The following TMEM163 variants were observed in gnomAD, a reference collection of about 807,000 sequenced individuals.
TMEM163 encodes the protein transmembrane protein 163.
In TMEM163, 17 loss-of-function variants were observed where a neutral mutation model predicts 29.3. The observed-to-expected ratio is 0.58, with a 90% CI of 0.40 to 0.87. The LOEUF is 0.87. Among genes scored for constraint, TMEM163 ranks in the 40% least tolerant of loss-of-function variants. The pLI, the probability that TMEM163 is intolerant of heterozygous loss-of-function variation, is 0.00. For synonymous variants in TMEM163, 157 were observed against 160.6 expected (o/e 0.98, Z 0.17); for missense variants, 303 against 381.5 (o/e 0.79, Z 1.71).
intron 2 of TMEM163, among the ~76,000 whole-genome samples, chr2:134,575,325 C>A (rs1369533531): frequency 6.6e-6 from 1 of 152,118 alleles, no homozygotes; most frequent in East Asian, 1.9e-4. Flanking sequence ...CATGGTCAGG[C>A]CCCTACCCCA....
At chr2:134,571,002 C>G (rs1443339140) in intron 2 of TMEM163, among the ~76,000 whole-genome samples, 1 of 152,170 alleles carries the variant, frequency 6.6e-6, no homozygotes, top group East Asian at 1.9e-4. Context: ...CTGTGATGCT[C>G]TCAGCTGCTA....
Position 134,651,390 on chromosome 2 carries a change from T to G in TMEM163, c.322+61810A>C, listed in dbSNP as rs1226889891. On this transcript the variant is annotated intron_variant, in intron 2 of 7. Transcript: ENST00000281924. The stretch of plus-strand genomic sequence containing the variant: ...TCCTTCGCCCACTTTTTGATGGGGT[T>G]GTTTGTTTTTTTCTTGTAAATTTGT... Among the ~76,000 whole-genome samples the G allele has an allele frequency of 3.7e-5, 5 of 136,110 alleles. 1 individual carries two copies. The highest frequency in any genetic ancestry group is 1.6e-4 in the African/African-American group (5 of 31,412). The allele number at this position is 136,110 out of a possible 152,430, so 89.3% of individuals were successfully genotyped here.
At chr2:134,547,601 G>T (rs143230626) in intron 4 of TMEM163, among the ~76,000 whole-genome samples, 1 of 152,278 alleles carries the variant, frequency 6.6e-6, no homozygotes, top group Non-Finnish European at 1.5e-5. Context: ...AGCTGGCAGT[G>T]ATTTCATTAA....
intron 5 of TMEM163, among the ~76,000 whole-genome samples, chr2:134,492,571 T>C (rs1300606635): frequency 6.6e-6 from 1 of 152,180 alleles, no homozygotes; most frequent in Non-Finnish European, 1.5e-5. Flanking sequence ...AGTTTGTAGG[T>C]AAAAATTTAA....
chr2:134,634,777 C>T (rs1683066658), intron 2 of TMEM163, among the ~76,000 whole-genome samples: 1 of 152,222 alleles, frequency 6.6e-6, no homozygotes, highest in South Asian at 2.1e-4. Flanking sequence ...ATTATGTAAA[C>T]AAATCTCAAT....
At chr2:134,660,356 G>T (rs1056246198) in intron 2 of TMEM163, among the ~76,000 whole-genome samples, 2 of 152,128 alleles carry the variant, frequency 1.3e-5, no homozygotes, top group African/African-American at 4.8e-5. Context: ...AATCAGGAAG[G>T]CAAGATATAA....
chr2:134,613,891 G>A (rs991099218), intron 2 of TMEM163, among the ~76,000 whole-genome samples: 2 of 152,064 alleles, frequency 1.3e-5, no homozygotes, highest in Non-Finnish European at 2.9e-5. Flanking sequence ...CACAGTAAAG[G>A]TGTCAATTTT....
intron 2 of TMEM163, among the ~76,000 whole-genome samples, chr2:134,701,001 C>T (rs1558996989): frequency 1.4e-5 from 2 of 147,954 alleles, no homozygotes; most frequent in Non-Finnish European, 1.5e-5. Context: ...TGGAAGAGAC[C>T]CCTCCAGAAA....
chr2:134,565,061 A>T (rs1681267743), intron 2 of TMEM163, among the ~76,000 whole-genome samples: 1 of 151,716 alleles, frequency 6.6e-6, no homozygotes. Context: ...AACATAGTGA[A>T]ACCTGATCTC....
chr2:134,606,405 A>G (rs1289267155), intron 2 of TMEM163, among the ~76,000 whole-genome samples: 2 of 151,998 alleles, frequency 1.3e-5, no homozygotes, highest in Non-Finnish European at 2.9e-5. Context: ...CTCACAGTGA[A>G]TGTTTTCTTC....
chr2:134,481,100 A>AG (rs1687042996), intron 5 of TMEM163, among the ~76,000 whole-genome samples: 1 of 151,944 alleles, frequency 6.6e-6, no homozygotes, highest in South Asian at 2.1e-4. Flanking sequence ...TTGGTGGGGG[A>AG]GGGGGACTTA....
intron 2 of TMEM163, among the ~76,000 whole-genome samples, chr2:134,596,499 T>C (rs551212949): frequency 6.6e-6 from 1 of 152,360 alleles, no homozygotes; most frequent in East Asian, 1.9e-4. Flanking sequence ...AGTACCATGC[T>C]GTTTTGGTTA....
intron 4 of TMEM163, among the ~76,000 whole-genome samples, chr2:134,519,804 C>T (rs1351209527): frequency 6.7e-6 from 1 of 150,158 alleles, no homozygotes; most frequent in Non-Finnish European, 1.5e-5. Flanking sequence ...GCAGGAGAAT[C>T]GCCTGAACCT....
At chr2:134,523,452 C>T (rs1467949300) in intron 4 of TMEM163, among the ~76,000 whole-genome samples, 1 of 152,108 alleles carries the variant, frequency 6.6e-6, no homozygotes, top group Non-Finnish European at 1.5e-5. Context: ...TGAGGATAAG[C>T]CAAATTTCAT....
intron 2 of TMEM163, among the ~76,000 whole-genome samples, chr2:134,669,944 C>T (rs548029795): frequency 6.6e-6 from 1 of 152,160 alleles, no homozygotes. Flanking sequence ...TGTGAGATGA[C>T]CCTAGCCCCA....
At chr2:134,713,752 A>G (rs1684979238) in intron 1 of TMEM163, 1 of 451,422 alleles carries the variant, frequency 2.2e-6, no homozygotes, top group Non-Finnish European at 4.5e-6. Context: ...GTGAGCATTG[A>G]TTCACCAGCA....
At chr2:134,681,802 A>G (rs994163847) in intron 2 of TMEM163, among the ~76,000 whole-genome samples, 2 of 152,332 alleles carry the variant, frequency 1.3e-5, no homozygotes, top group South Asian at 2.1e-4. Flanking sequence ...TCTTCAAGAA[A>G]CAAAACAGCC....
intron 2 of TMEM163, among the ~76,000 whole-genome samples, chr2:134,563,569 A>C (rs1474996372): frequency 6.6e-6 from 1 of 152,264 alleles, no homozygotes; most frequent in East Asian, 1.9e-4. Context: ...AACTAAAAAA[A>C]TATGCAAGAC....
At chr2:134,543,620 T>C (rs1239182996) in intron 4 of TMEM163, among the ~76,000 whole-genome samples, 1 of 152,244 alleles carries the variant, frequency 6.6e-6, no homozygotes. Flanking sequence ...CATCACTTCT[T>C]GACTCAATTT....
Sources: gnomAD v4.1 joint callset for allele counts (sites outside exome capture counted in the v4.1 genomes callset) on GRCh38, gnomAD v4.1.1 for gene constraint, MANE v1.5 for transcripts, NCBI Gene and HGNC (gene_info 2026-07-23, HGNC 2026-07-21) for gene names.